The following ANK2 variants were observed in gnomAD, a reference collection of about 807,000 sequenced individuals.
The protein encoded by ANK2 is ankyrin-2.
ANK2 carries 83 observed loss-of-function variants against 360.5 expected under a neutral mutation model. The ratio of observed to expected loss-of-function variants is 0.23; its 90% CI spans 0.19 to 0.28. The LOEUF (loss-of-function observed/expected upper bound fraction) is 0.28, where lower values mean the gene tolerates loss of function less well. Ranked by LOEUF, ANK2 falls within the 10% of genes least tolerant of loss-of-function variation. The pLI, the probability that ANK2 is intolerant of heterozygous loss-of-function variation, is 1.00. For synonymous variants in ANK2, 1,740 were observed against 1,759.5 expected (o/e 0.99, Z 0.28); for missense variants, 4,201 against 4,795.7 (o/e 0.88, Z 3.66).
chr4:112,713,056 T>C, the ANK2 span, among the ~76,000 whole-genome samples: 2 of 152,236 alleles, frequency 1.3e-5, no homozygotes, highest in Non-Finnish European at 1.5e-5. Flanking sequence ...TGATCTGTTC[T>C]CTGTCCATAT....
rs139747875 is a variant in ANK2 at position 112,917,952 on chromosome 4, C to T, written c.21+13438C>T. ...TGTCAATGGCATCAGGCTAGTACCT[C>T]AAAGCACTACCTGCATAAAAAAGAT... On this transcript the variant is annotated intron_variant, in intron 2 of 30. Coordinates refer to the ANK2 transcript ENST00000503271. Among the ~76,000 whole-genome samples, 926 of 152,240 alleles carry T rather than the reference C, an allele frequency of 6.1e-3. 7 individuals are homozygous for T. Among genetic ancestry groups the T allele is most frequent in the Middle Eastern group, 0.037 (11 of 294 alleles).
At chr4:112,857,811 A>G (rs2066834918) in intron 1 of ANK2, among the ~76,000 whole-genome samples, 1 of 152,166 alleles carries the variant, frequency 6.6e-6, no homozygotes, top group Admixed American at 6.5e-5. Context: ...ATAGTAATCA[A>G]ATCATTCAGG....
intron 1 of ANK2, among the ~76,000 whole-genome samples, chr4:112,891,778 C>A (rs370046938): frequency 6.6e-5 from 10 of 152,250 alleles, no homozygotes; most frequent in African/African-American, 2.4e-4. Flanking sequence ...TCTATTATTA[C>A]GCATGGAGAA....
intron 20 of ANK2, among the ~76,000 whole-genome samples, chr4:113,291,901 T>A (rs748295518): frequency 4.6e-5 from 7 of 152,186 alleles, no homozygotes; most frequent in Non-Finnish European, 8.8e-5. Flanking sequence ...GATTTAGATT[T>A]ACTTTCAATG....
At chr4:112,788,181 G>A in the ANK2 span, 19 of 1,585,926 alleles carry the variant, frequency 1.2e-5, no homozygotes, top group South Asian at 4.4e-5. Flanking sequence ...CCCCAGTGAC[G>A]GCAGATCTCA....
the ANK2 span, among the ~76,000 whole-genome samples, chr4:112,779,761 C>T: frequency 3.3e-5 from 5 of 152,204 alleles, no homozygotes; most frequent in Non-Finnish European, 7.3e-5. Flanking sequence ...TTCTTGCCTT[C>T]ACCTGAACAT....
At chr4:113,350,295 T>C (rs1267524055) in intron 37 of ANK2, 46 bp downstream of exon 37, 1 of 1,550,934 alleles carries the variant, frequency 6.4e-7, no homozygotes, top group African/African-American at 1.4e-5. Flanking sequence ...CTGGCTACCA[T>C]AAAAAGAAGC....
the ANK2 span, among the ~76,000 whole-genome samples, chr4:112,801,233 T>G: frequency 1.3e-5 from 2 of 152,208 alleles, no homozygotes; most frequent in Non-Finnish European, 2.9e-5. Flanking sequence ...AAATTGTTCC[T>G]CAATAGTCAA....
intron 1 of ANK2, among the ~76,000 whole-genome samples, chr4:113,075,454 CT>C (rs1333816209): frequency 6.6e-6 from 1 of 152,024 alleles, no homozygotes; most frequent in East Asian, 1.9e-4. Flanking sequence ...GTTTTCTGTG[CT>C]TTTCAAAAAG....
intron 1 of ANK2, among the ~76,000 whole-genome samples, chr4:112,831,294 C>A (rs970867148): frequency 1.3e-5 from 2 of 152,200 alleles, no homozygotes; most frequent in Non-Finnish European, 2.9e-5. Context: ...ACATGGAGAA[C>A]TTTTATGCCT....
intron 1 of ANK2, among the ~76,000 whole-genome samples, chr4:113,157,527 C>T (rs1265700009): frequency 6.6e-6 from 1 of 152,224 alleles, no homozygotes; most frequent in African/African-American, 2.4e-5. Context: ...AGTCACAGCT[C>T]TTGGGTTAGC....
intron 34 of ANK2, 21 bp from the exon 35 acceptor site, chr4:113,345,879 T>G (rs72556368): frequency 6.2e-7 from 1 of 1,612,948 alleles, no homozygotes; most frequent in Non-Finnish European, 8.5e-7. Context: ...GGGTGAAGCA[T>G]GTATGTCTTT....
intron 1 of ANK2, among the ~76,000 whole-genome samples, chr4:112,821,853 G>A (rs899233842): frequency 6.7e-6 from 1 of 150,250 alleles, no homozygotes; most frequent in East Asian, 2.0e-4. Context: ...TGCCACCTCC[G>A]CATCCTGGGC....
chr4:112,985,181 T>C (rs7663240), intron 2 of ANK2, among the ~76,000 whole-genome samples: 42,726 of 152,026 alleles, frequency 0.28, 6,487 homozygotes, highest in East Asian at 0.44. Flanking sequence ...TCCCTCAAAA[T>C]ATCCACTTTT....
At chr4:113,043,556 G>A (rs2063498804) in intron 2 of ANK2, among the ~76,000 whole-genome samples, 1 of 152,126 alleles carries the variant, frequency 6.6e-6, no homozygotes, top group African/African-American at 2.4e-5. Context: ...ACAGGCATGA[G>A]CCACTGTGCC....
chr4:112,982,672 G>A (rs2043467068), intron 2 of ANK2, among the ~76,000 whole-genome samples: 1 of 152,202 alleles, frequency 6.6e-6, no homozygotes, highest in African/African-American at 2.4e-5. Flanking sequence ...GGCACTGCGG[G>A]TGTGATCTGT....
chr4:113,147,119 G>A (rs538865725), intron 1 of ANK2, among the ~76,000 whole-genome samples: 7 of 152,232 alleles, frequency 4.6e-5, no homozygotes, highest in Non-Finnish European at 7.4e-5. Flanking sequence ...AAGCCCTGTC[G>A]TGAAAAAGAG....
intron 1 of ANK2, among the ~76,000 whole-genome samples, chr4:112,857,380 A>G (rs1028154125): frequency 6.6e-6 from 1 of 152,224 alleles, no homozygotes; most frequent in Non-Finnish European, 1.5e-5. Context: ...AAGGTTGTTT[A>G]CCTTCAGAGT....
chr4:113,251,860 G>C (rs905013791), intron 10 of ANK2, among the ~76,000 whole-genome samples: 8 of 152,078 alleles, frequency 5.3e-5, no homozygotes, highest in Admixed American at 3.9e-4. Context: ...ATAAAAAATA[G>C]AGATATGTAT....
Sources: gnomAD v4.1 joint callset for allele counts (sites outside exome capture counted in the v4.1 genomes callset) on GRCh38, gnomAD v4.1.1 for gene constraint, MANE v1.5 for transcripts, NCBI Gene and HGNC (gene_info 2026-07-23, HGNC 2026-07-21) for gene names.